SENP3: variants seen among roughly 807,000 people sequenced by gnomAD.
SENP3 encodes SUMO specific peptidase 3, also known as sentrin-specific protease 3.
SENP3 carries 11 observed loss-of-function variants against 66.2 expected under a neutral mutation model. The ratio of observed to expected loss-of-function variants is 0.17; its 90% CI spans 0.10 to 0.28. The LOEUF is 0.28. SENP3 is among the 10% of genes least tolerant of loss of function. The pLI, the probability that SENP3 is intolerant of heterozygous loss-of-function variation, is 1.00. For missense variants in SENP3, 548 were observed against 743.7 expected (o/e 0.74, Z 3.06); for synonymous variants, 292 against 277.6 (o/e 1.05, Z -0.52).
intron 7 of SENP3, among the ~76,000 whole-genome samples, chr17:7,568,819 C>T (rs1329514576): frequency 2.6e-5 from 4 of 152,190 alleles, no homozygotes; most frequent in Non-Finnish European, 5.9e-5. Flanking sequence ...GTCATGGGAA[C>T]GCTGATCTAA....
At position 7,564,712 on chromosome 17, in the gene SENP3, T is replaced by G. The variant is rs2071253947; in HGVS notation, c.803T>G (p.Ile268Ser). 6.2e-7 allele frequency: 1 copy of G among 1,613,920 alleles called. No individual in the cohort carries two copies. Among genetic ancestry groups the G allele is most frequent in the Non-Finnish European group, 8.5e-7 (1 of 1,179,904 alleles). The change falls in exon 3 of 11, where the codon ATC becomes AGC. Residue 268 changes from isoleucine to serine, a missense_variant. This residue lies in a region of SENP3 where 215 missense variants were observed against 230.7 expected (regional missense o/e 0.93). Coordinates refer to ENST00000321337, the MANE Select transcript of SENP3 (RefSeq NM_015670.6). ...ERSLAPPDAS[I>S]LISNVCSIGD... ...AGCTTGGCACCCCCTGATGCCAGCA[T>G]CCTCATCAGCAATGTGTGCAGCATC...
rs957700623 is a variant in SENP3 at position 7,562,549 on chromosome 17, C to T, written c.-12+286C>T. On this transcript the variant is annotated intron_variant, in intron 1 of 10. Transcript: ENST00000321337. This position sits in a 1 kb window ranked among gnomAD's most constrained non-coding sequence, Gnocchi z 5.0. ...TTCAAAGTTCTTCCCCGTTTATCAG[C>T]CTCTGCCCCCTGAACCATATCCCTG... Among the ~76,000 whole-genome samples the T allele has an allele frequency of 2.6e-5, 4 of 152,238 alleles. No individual in the cohort carries two copies. Among genetic ancestry groups the T allele is most frequent in the African/African-American group, 9.6e-5 (4 of 41,466 alleles).
In SENP3 at chr17:7,571,837, T is replaced by TTATTTATATA. The variant is rs2071318927; in HGVS notation, c.*357_*358insTTATATATAT. 3.3e-5 allele frequency: 1 copy of TTATTTATATA among 30,498 alleles called. No individual in the cohort carries two copies. Among genetic ancestry groups the TTATTTATATA allele is most frequent in the African/African-American group, 1.1e-4 (1 of 8,778 alleles). The allele number at this position is 30,498 out of a possible 1,614,324, so 1.9% of individuals were successfully genotyped here. A position where few individuals can be genotyped will look rare whatever the true frequency, so the allele number is the denominator to read the frequency against. On this transcript the variant is annotated 3_prime_UTR_variant, in exon 11 of 11. Coordinates refer to ENST00000321337, the MANE Select transcript of SENP3 (RefSeq NM_015670.6). ...CACTGCCTGCCAGATCTTCAAACTT[T>TTATTTATATA]TATATATATATATATATATATATAT...
In SENP3 at chr17:7,562,960, TTTC is replaced by T. The variant is rs1477150733; in HGVS notation, c.-11-103_-11-101del. The T allele has an allele frequency of 7.7e-7, 1 of 1,306,224 alleles. No homozygotes were observed. Among genetic ancestry groups the T allele is most frequent in the African/African-American group, 1.5e-5 (1 of 65,134 alleles). 80.9% of individuals were successfully genotyped at this position (1,306,224 alleles called of 1,614,324 possible). A position where few individuals can be genotyped will look rare whatever the true frequency, so the allele number is the denominator to read the frequency against. On this transcript the variant is annotated intron_variant, in intron 1 of 10. Coordinates refer to ENST00000321337, the MANE Select transcript of SENP3 (RefSeq NM_015670.6). The surrounding 1 kb of genome is among the most constrained non-coding windows in gnomAD (Gnocchi z 5.0). The stretch of plus-strand genomic sequence containing the variant: ...TTAGGAGTTTTGCGTTTTTTCCTCT[TTTC>T]TTTATTTGCATCTGAATCCAGAGGA...
rs1329659639 is a variant in SENP3 at position 7,571,591 on chromosome 17, T to G, written c.*108T>G. On this transcript the variant is annotated 3_prime_UTR_variant, in exon 11 of 11. Coordinates refer to ENST00000321337, the MANE Select transcript of SENP3 (RefSeq NM_015670.6). The stretch of plus-strand genomic sequence containing the variant: ...TCTTGCCTCTTCCCACTCACTTCCC[T>G]TTGGTTTTTCATATTTAAATGTTTC... 2 of 700,764 alleles carry G rather than the reference T, an allele frequency of 2.9e-6. No individual in the cohort carries two copies. The highest frequency in any genetic ancestry group is 4.9e-6 in the Non-Finnish European group (2 of 407,864). 43.4% of individuals were successfully genotyped at this position (700,764 alleles called of 1,614,324 possible).
Position 7,564,619 on chromosome 17 carries a change from C to CTAT in SENP3, c.716-5_716-3dup. The CTAT allele has an allele frequency of 6.2e-7, 1 of 1,613,956 alleles. No individual in the cohort carries two copies. The highest frequency in any genetic ancestry group is 8.5e-7 in the Non-Finnish European group (1 of 1,179,866). On this transcript the variant is annotated splice_polypyrimidine_tract_variant and splice_region_variant and intron_variant, in intron 2 of 10. Transcript: ENST00000321337. ...TCATGCCCATTCCATTTCCCCTGCC[C>CTAT]TATAGGCCTCCTTTCATGTACTCTG...
rs755741945 is a variant in SENP3, at chr17:7,570,851, T to C, written c.1564-32T>C. 1 of 1,610,164 alleles carries C rather than the reference T, an allele frequency of 6.2e-7. No individual in the cohort carries two copies. The highest frequency in any genetic ancestry group is 1.1e-5 in the South Asian group (1 of 90,484). ...GAAGTCCTACCCCTGGGAGTCTCCATGTGAAGGGCCTGCTTTCTTTCTCTT... is the reference window on the plus strand; with the variant it reads ...GAAGTCCTACCCCTGGGAGTCTCCACGTGAAGGGCCTGCTTTCTTTCTCTT... On this transcript the variant is annotated intron_variant, in intron 9 of 10. Transcript: ENST00000321337. The surrounding 1 kb of genome is among the most constrained non-coding windows in gnomAD (Gnocchi z 5.4).
At chr17:7,567,973 AAGAG>A (rs1178692041) in intron 7 of SENP3, among the ~76,000 whole-genome samples, 1 of 151,442 alleles carries the variant, frequency 6.6e-6, no homozygotes, top group Non-Finnish European at 1.5e-5. Flanking sequence ...GTGCTAAAGG[AAGAG>A]AGAGAGAGTA....
At position 7,563,238 on chromosome 17, in the gene SENP3, A is replaced by C; in HGVS notation, c.162A>C (p.Ser54=). 6.4e-7 allele frequency: 1 copy of C among 1,564,754 alleles called. No homozygotes were observed. The highest frequency in any genetic ancestry group is 8.7e-7 in the Non-Finnish European group (1 of 1,154,542). Residue 54 remains serine, a synonymous_variant, in exon 2 of 11, where the codon TCA becomes TCC. Coordinates refer to ENST00000321337, the MANE Select transcript of SENP3 (RefSeq NM_015670.6). The stretch of plus-strand genomic sequence containing the variant: ...GAGGGTTTGGGCCAGATCCTGGGTC[A>C]GGGACCACAGTGCCAGCCAGACGCC... ...SGGGFGPDPG[S]GTTVPARRLP...
At position 7,562,865 on chromosome 17, in the gene SENP3, A is replaced by G. The variant is rs1424688868; in HGVS notation, c.-11-201A>G. 6.6e-6 allele frequency among the ~76,000 whole-genome samples: 1 copy of G among 152,144 alleles called. No homozygotes were observed. Among genetic ancestry groups the G allele is most frequent in the African/African-American group, 2.4e-5 (1 of 41,414 alleles). On this transcript the variant is annotated intron_variant, in intron 1 of 10. Transcript: ENST00000321337. The surrounding 1 kb of genome is among the most constrained non-coding windows in gnomAD (Gnocchi z 5.0). ...CTTAGCCATTTTCCCTTGTCTCTGG[A>G]CTGGGGAGAGATGATGGCACAGACC...
intron 7 of SENP3, among the ~76,000 whole-genome samples, chr17:7,569,748 T>C (rs954062930): frequency 6.6e-6 from 1 of 152,238 alleles, no homozygotes; most frequent in Admixed American, 6.5e-5. Context: ...TGCCATTTCT[T>C]TCTTTCATGA....
chr17:7,571,889 ATAT>A lies in SENP3; in HGVS notation c.*407_*409del, dbSNP rs2071325877. The A allele has an allele frequency of 8.3e-5, 1 of 11,996 alleles. No homozygotes were observed. Among genetic ancestry groups the A allele is most frequent in the African/African-American group, 2.6e-4 (1 of 3,838 alleles). The allele number at this position is 11,996 out of a possible 1,614,324, so 0.7% of individuals were successfully genotyped here. A position where few individuals can be genotyped will look rare whatever the true frequency, so the allele number is the denominator to read the frequency against. On this transcript the variant is annotated 3_prime_UTR_variant, in exon 11 of 11. Coordinates refer to ENST00000321337, the MANE Select transcript of SENP3 (RefSeq NM_015670.6). Reference sequence around the variant, plus strand: ...TATATATATATATATATATATATATATATATATATATATATATATAAAAATATA... The same window carrying A: ...TATATATATATATATATATATATATAATATATATATATATATAAAAATATA...
intron 2 of SENP3, among the ~76,000 whole-genome samples, chr17:7,564,118 A>G (rs1018194021): frequency 6.6e-6 from 1 of 152,176 alleles, no homozygotes. Context: ...GCCTCTCAGT[A>G]TAAGAACCCC....
chr17:7,571,521 G>C lies in SENP3; in HGVS notation c.*38G>C. ...AGACCCCAAGCCCATAAATGGGAAG[G>C]GAGACATGGGAGTCCCTTCCCAAGA... On this transcript the variant is annotated 3_prime_UTR_variant, in exon 11 of 11. Transcript: ENST00000321337. 7.1e-7 allele frequency: 1 copy of C among 1,406,876 alleles called. No homozygotes were observed. The highest frequency in any genetic ancestry group is 1.0e-6 in the Non-Finnish European group (1 of 994,874). The allele number at this position is 1,406,876 out of a possible 1,614,324, so 87.1% of individuals were successfully genotyped here.
Position 7,563,806 on chromosome 17 carries a change from G to A in SENP3, c.715+15G>A. ...CCCTGACTCGGGTAAGGTGGGAAAG[G>A]GGTGTGGGGTTGCGGGGGAGGGGTT... On this transcript the variant is annotated intron_variant, in intron 2 of 10. Coordinates refer to ENST00000321337, the MANE Select transcript of SENP3 (RefSeq NM_015670.6). 1 of 1,593,100 alleles carries A rather than the reference G, an allele frequency of 6.3e-7. No homozygotes were observed. The highest frequency in any genetic ancestry group is 1.3e-5 in the African/African-American group (1 of 74,414).
At chr17:7,568,942 A>G (rs1401334503) in intron 7 of SENP3, among the ~76,000 whole-genome samples, 2 of 152,160 alleles carry the variant, frequency 1.3e-5, no homozygotes, top group Non-Finnish European at 2.9e-5. Flanking sequence ...CTCCAGGTAG[A>G]TAGTGTTGGA....
Position 7,570,467 on chromosome 17 carries a change from C to G in SENP3, c.1453C>G (p.Arg485Gly). 1 of 1,613,078 alleles carries G rather than the reference C, an allele frequency of 6.2e-7. No homozygotes were observed. Among genetic ancestry groups the G allele is most frequent in the Admixed American group, 1.7e-5 (1 of 59,990 alleles). Reference protein sequence around the residue: ...RRTITYFDSQRTLNRRCPKHI... With the variant: ...RRTITYFDSQGTLNRRCPKHI... ...CACCATCACCTATTTTGACTCGCAG[C>G]GTACCCTAAACCGCCGCTGCCCTAA... is the stretch of plus-strand genomic sequence containing the variant. The change falls in exon 8 of 11, where the codon CGT (arginine) becomes GGT (glycine). Residue 485 changes from arginine to glycine, a missense_variant. This residue lies in a region of SENP3 where 81 missense variants were observed against 139.8 expected (regional missense o/e 0.58). Transcript: ENST00000321337. This position sits in a 1 kb window ranked among gnomAD's most constrained non-coding sequence, Gnocchi z 5.4.
Position 7,563,311 on chromosome 17 carries a change from G to A in SENP3, c.235G>A (p.Glu79Lys), listed in dbSNP as rs369488631. Reference sequence around the variant, plus strand: ...TGATGCCTCAGCAAGTGAAGAGGAGGAAGAAGAGGAGGAGGAGGAGGATGA... The same window carrying A: ...TGATGCCTCAGCAAGTGAAGAGGAGAAAGAAGAGGAGGAGGAGGAGGATGA... ...SFDASASEEE[E>K]EEEEEEDEDE... Residue 79 changes from glutamate to lysine, a missense_variant, in exon 2 of 11, where the codon GAA becomes AAA. This residue lies in a region of SENP3 where 164 missense variants were observed against 167.9 expected (regional missense o/e 0.98). Transcript: ENST00000321337. The A allele has an allele frequency of 2.0e-4, 307 of 1,552,878 alleles. 3 individuals carry two copies. In the South Asian group the frequency reaches 3.5e-3, roughly 18 times the overall value.
At chr17:7,564,245 C>T (rs762613205) in intron 2 of SENP3, 10 of 403,414 alleles carry the variant, frequency 2.5e-5, no homozygotes, top group Non-Finnish European at 4.7e-5. Context: ...AGAACTCCAG[C>T]CAAACAGTTT....
Sources: gnomAD v4.1 joint callset for allele counts (sites outside exome capture counted in the v4.1 genomes callset) on GRCh38, gnomAD v4.1.1 for gene constraint, gnomAD v4.1.1 regional missense constraint, Gnocchi (gnomAD v3.1) non-coding constraint, MANE v1.5 for transcripts, NCBI Gene and HGNC (gene_info 2026-07-23, HGNC 2026-07-21) for gene names.